The following RP1 variants were observed in gnomAD, a reference collection of about 807,000 sequenced individuals.
RP1 encodes oxygen-regulated protein 1.
RP1 carries 16 observed loss-of-function variants against 14.8 expected under a neutral mutation model. The ratio of observed to expected loss-of-function variants is 1.08; its 90% CI spans 0.73 to 1.65. The LOEUF is 1.65. RP1 is among the 40% of genes most tolerant of loss of function. The pLI is 0.00. For synonymous variants in RP1, 876 were observed against 883.6 expected, an observed-to-expected ratio of 0.99 and a Z score of 0.15; for missense variants, 2,631 against 2,535.0, an observed-to-expected ratio of 1.04 and a Z score of -0.81.
At chr8:54,662,268 T>C (rs1806916941) in intron 6 of RP1, among the ~76,000 whole-genome samples, 1 of 152,216 alleles carries the variant, frequency 6.6e-6, no homozygotes, top group Non-Finnish European at 1.5e-5. Context: ...TATAGTTGAC[T>C]ACTGGTTAAT....
chr8:54,859,654 G>A (rs1812297208), intron 27 of RP1, among the ~76,000 whole-genome samples: 1 of 151,950 alleles, frequency 6.6e-6, no homozygotes, highest in Non-Finnish European at 1.5e-5. Context: ...CACTGTAGAC[G>A]GGTGTCAGTA....
At chr8:54,859,686 C>T (rs1463510104) in intron 27 of RP1, among the ~76,000 whole-genome samples, 1 of 151,648 alleles carries the variant, frequency 6.6e-6, no homozygotes. Flanking sequence ...AACTGTGGAG[C>T]AGTGTTACTG....
intron 13 of RP1, among the ~76,000 whole-genome samples, chr8:54,700,635 C>T (rs186558309): frequency 6.6e-6 from 1 of 152,124 alleles, no homozygotes; most frequent in Non-Finnish European, 1.5e-5. Context: ...GAAGAAATAT[C>T]TCTTCAACTA....
intron 18 of RP1, among the ~76,000 whole-genome samples, chr8:54,737,989 A>T (rs1049943089): frequency 2.6e-5 from 4 of 152,018 alleles, no homozygotes; most frequent in Admixed American, 6.6e-5. Context: ...TATTACATTT[A>T]AAAAAAATCC....
chr8:54,623,603 A>G (rs1176482017), intron 3 of RP1, among the ~76,000 whole-genome samples: 2 of 152,076 alleles, frequency 1.3e-5, no homozygotes, highest in African/African-American at 2.4e-5. Flanking sequence ...CAGCCCAGGC[A>G]TTTTGACTGA....
chr8:54,784,362 C>T (rs1407906041), intron 24 of RP1, among the ~76,000 whole-genome samples: 1 of 151,938 alleles, frequency 6.6e-6, no homozygotes. Context: ...TTTGTAGCAC[C>T]CTGTATTACA....
At chr8:54,834,044 AAGAC>A (rs1811601184) in intron 24 of RP1, among the ~76,000 whole-genome samples, 1 of 152,130 alleles carries the variant, frequency 6.6e-6, no homozygotes, top group African/African-American at 2.4e-5. Context: ...AAAGAAAAGA[AAGAC>A]AGAGCTCAGA....
chr8:54,704,854 A>G (rs1400646750), intron 14 of RP1, among the ~76,000 whole-genome samples: 2 of 151,792 alleles, frequency 1.3e-5, no homozygotes, highest in Non-Finnish European at 2.9e-5. Flanking sequence ...ATACACACAC[A>G]CACATATGTC....
At position 54,701,617 on chromosome 8, in the gene RP1, A is replaced by C. The variant is rs111280673; in HGVS notation, c.1953A>C (p.Ser651=). ...ATGGCAAAATAGCTGATGCATCATCAGCAGGCTATGCAAATCTTTCAAAAG... is the reference window on the plus strand; with the variant it reads ...ATGGCAAAATAGCTGATGCATCATCCGCAGGCTATGCAAATCTTTCAAAAG... Residue 651 remains serine, a synonymous_variant, in exon 14 of 23, where the codon TCA becomes TCC. Transcript: ENST00000636932. 1.4e-4 allele frequency: 214 copies of C among 1,535,694 alleles called. No individual in the cohort carries two copies. The African/African-American group carries it at 2.7e-3, about 19-fold the overall frequency.
intron 13 of RP1, among the ~76,000 whole-genome samples, chr8:54,700,796 G>A (rs552458237): frequency 6.6e-6 from 1 of 152,076 alleles, no homozygotes; most frequent in Non-Finnish European, 1.5e-5. Context: ...CAGAATATCT[G>A]GTGACAGCTG....
chr8:54,593,560 C>T (rs551170796), intron 1 of RP1, among the ~76,000 whole-genome samples: 11 of 152,282 alleles, frequency 7.2e-5, no homozygotes, highest in African/African-American at 2.6e-4. Context: ...ACTCACAAGT[C>T]CAGCTAATCT....
chr8:54,580,358 G>A (rs963461145), intron 1 of RP1, among the ~76,000 whole-genome samples: 11 of 143,590 alleles, frequency 7.7e-5, no homozygotes, highest in African/African-American at 2.9e-4. Context: ...CCAGGCTGGA[G>A]TGCAGTGGTG....
At chr8:54,610,865 T>C (rs1805572744) in intron 1 of RP1, among the ~76,000 whole-genome samples, 1 of 152,230 alleles carries the variant, frequency 6.6e-6, no homozygotes, top group Admixed American at 6.5e-5. Context: ...CAATCTAATA[T>C]AGTGCCTTTT....
chr8:54,752,720 G>A (rs1031863678), intron 19 of RP1, among the ~76,000 whole-genome samples: 7 of 152,090 alleles, frequency 4.6e-5, no homozygotes, highest in Non-Finnish European at 2.9e-5. Context: ...TCTCACACTG[G>A]GACCATGTAG....
At chr8:54,717,300 T>C (rs1482133397) in intron 15 of RP1, among the ~76,000 whole-genome samples, 1 of 152,224 alleles carries the variant, frequency 6.6e-6, no homozygotes, top group Admixed American at 6.5e-5. Flanking sequence ...GTTTTTGCTC[T>C]AGGCTGGATT....
At chr8:54,859,067 G>A (rs1280764123) in intron 27 of RP1, among the ~76,000 whole-genome samples, 1 of 152,118 alleles carries the variant, frequency 6.6e-6, no homozygotes, top group African/African-American at 2.4e-5. Context: ...GCTCACTGCA[G>A]AGGGGTGTCA....
At chr8:54,678,050 G>T (rs1032050019) in intron 8 of RP1, among the ~76,000 whole-genome samples, 8 of 152,256 alleles carry the variant, frequency 5.3e-5, no homozygotes, top group African/African-American at 1.7e-4. Flanking sequence ...TATATTTTAT[G>T]CAGACTTTGT....
chr8:54,697,972 T>A (rs903313900), intron 12 of RP1, among the ~76,000 whole-genome samples: 2 of 152,120 alleles, frequency 1.3e-5, no homozygotes, highest in South Asian at 4.1e-4. Flanking sequence ...ATTCAGGACA[T>A]AAGCATGGAA....
chr8:54,828,675 T>C (rs991368098), intron 24 of RP1, among the ~76,000 whole-genome samples: 1 of 152,106 alleles, frequency 6.6e-6, no homozygotes, highest in African/African-American at 2.4e-5. Context: ...ATTATCATTA[T>C]CAAGTATGTA....
Sources: allele counts gnomAD v4.1 joint callset (sites outside exome capture counted in the v4.1 genomes callset), GRCh38; gene constraint gnomAD v4.1.1; transcripts MANE v1.5; gene names NCBI Gene and HGNC (gene_info 2026-07-23, HGNC 2026-07-21).